The following USP34 variants were observed in gnomAD, a reference collection of about 807,000 sequenced individuals.
The protein encoded by USP34 is ubiquitin specific peptidase 34, also known as ubiquitin carboxyl-terminal hydrolase 34.
USP34 carries 70 observed loss-of-function variants against 460.3 expected under a neutral mutation model. The observed-to-expected ratio is 0.15, with a 90% CI of 0.13 to 0.19. The LOEUF (loss-of-function observed/expected upper bound fraction) is 0.19. Ranked by LOEUF, USP34 falls within the 10% of genes least tolerant of loss-of-function variation. USP34 has a pLI of 1.00. For missense variants in USP34, 3,985 were observed against 4,236.2 expected (o/e 0.94, Z 1.65); for synonymous variants, 1,647 against 1,405.3 (o/e 1.17, Z -3.85).
Position 61,228,810 on chromosome 2 carries a change from A to G in USP34, c.7368+17T>C, listed in dbSNP as rs1687803472. ...AAAAGGTAGATAATCAAAAAAATAGACAAGATATAGCCTCACCTCTTCTTC... is the reference window on the plus strand; with the variant it reads ...AAAAGGTAGATAATCAAAAAAATAGGCAAGATATAGCCTCACCTCTTCTTC... On this transcript the variant is annotated intron_variant, in intron 60 of 79. Transcript: ENST00000398571. 1 of 1,589,520 alleles carries G rather than the reference A, an allele frequency of 6.3e-7. No individual in the cohort carries two copies. The highest frequency in any genetic ancestry group is 1.4e-5 in the African/African-American group (1 of 73,458).
At chr2:61,363,728 C>A (rs1425867161) in intron 10 of USP34, among the ~76,000 whole-genome samples, 1 of 152,070 alleles carries the variant, frequency 6.6e-6, no homozygotes, top group East Asian at 1.9e-4. Flanking sequence ...TAACTGAAAG[C>A]AGGAAATGGA....
At chr2:61,258,142 C>A (rs1358060693) in intron 44 of USP34, among the ~76,000 whole-genome samples, 1 of 151,916 alleles carries the variant, frequency 6.6e-6, no homozygotes, top group Non-Finnish European at 1.5e-5. Flanking sequence ...TTGCTTGAGC[C>A]CAGGAGTTCA....
chr2:61,204,191 C>T (rs1441558270), intron 74 of USP34, 65 bp downstream of exon 74: 9 of 1,602,366 alleles, frequency 5.6e-6, no homozygotes, highest in East Asian at 2.2e-5. Context: ...TCATAACTGC[C>T]AGGGGAAAAA....
At chr2:61,396,411 G>A (rs749904969) in intron 3 of USP34, among the ~76,000 whole-genome samples, 1 of 152,076 alleles carries the variant, frequency 6.6e-6, no homozygotes, top group African/African-American at 2.4e-5. Flanking sequence ...TACGCATAAC[G>A]ATGCTCATTA....
intron 6 of USP34, among the ~76,000 whole-genome samples, chr2:61,382,387 C>T (rs1396224892): frequency 1.3e-5 from 2 of 152,264 alleles, no homozygotes; most frequent in Middle Eastern, 3.4e-3. Context: ...GTGTCATATG[C>T]CAACTTCAAA....
At chr2:61,308,752 A>G (rs1207397140) in intron 27 of USP34, among the ~76,000 whole-genome samples, 2 of 152,174 alleles carry the variant, frequency 1.3e-5, no homozygotes, top group African/African-American at 4.8e-5. Context: ...AAAAAATACT[A>G]CATGTTGGCT....
At chr2:61,322,783 T>C (rs1159945545) in intron 21 of USP34, among the ~76,000 whole-genome samples, 2 of 151,818 alleles carry the variant, frequency 1.3e-5, no homozygotes, top group African/African-American at 2.4e-5. Flanking sequence ...CTTGTGCCCA[T>C]AGAAGCAAAT....
intron 34 of USP34, among the ~76,000 whole-genome samples, chr2:61,286,177 TTAAA>T (rs1267391486): frequency 2.0e-5 from 3 of 152,194 alleles, no homozygotes; most frequent in Non-Finnish European, 4.4e-5. Flanking sequence ...TGGTAAACTC[TTAAA>T]TAAGTTAGTG....
intron 1 of USP34, among the ~76,000 whole-genome samples, chr2:61,435,375 G>A (rs890780130): frequency 1.8e-5 from 2 of 108,754 alleles, no homozygotes; most frequent in Admixed American, 1.8e-4. Context: ...ACAAATAAAA[G>A]TATCTCCACC....
At chr2:61,469,568 G>C (rs900733903) in intron 1 of USP34, among the ~76,000 whole-genome samples, 3 of 152,016 alleles carry the variant, frequency 2.0e-5, no homozygotes, top group African/African-American at 7.3e-5. Context: ...ATTGTCTTTG[G>C]TCATTAAAGT....
intron 6 of USP34, among the ~76,000 whole-genome samples, chr2:61,381,203 TAAAA>T (rs756924837): frequency 0.016 from 1,584 of 97,950 alleles, 11 homozygotes; most frequent in African/African-American, 0.03. Context: ...GAATGATCAA[TAAAA>T]AAAAAAAAAA....
At chr2:61,310,841 AGT>A (rs1690569532) in intron 27 of USP34, among the ~76,000 whole-genome samples, 1 of 152,162 alleles carries the variant, frequency 6.6e-6, no homozygotes, top group Admixed American at 6.5e-5. Flanking sequence ...GTGGATGAGT[AGT>A]ATATGGAAAT....
At chr2:61,331,579 G>C (rs1691264544) in intron 19 of USP34, among the ~76,000 whole-genome samples, 1 of 151,954 alleles carries the variant, frequency 6.6e-6, no homozygotes, top group African/African-American at 2.4e-5. Context: ...ACCTTTGTAA[G>C]TTTTTAATCT....
chr2:61,291,568 T>C (rs894374943), intron 33 of USP34, among the ~76,000 whole-genome samples: 1 of 152,184 alleles, frequency 6.6e-6, no homozygotes, highest in Admixed American at 6.5e-5. Context: ...CACCAAAGAT[T>C]TATGAATGAA....
intron 20 of USP34, among the ~76,000 whole-genome samples, chr2:61,329,643 T>C (rs1439864272): frequency 6.6e-6 from 1 of 152,288 alleles, no homozygotes. Context: ...TGGTATTTTA[T>C]TTTTTATGCC....
Position 61,470,762 on chromosome 2 carries a change from G to C in USP34, c.-70C>G. The C allele has an allele frequency of 7.1e-7, 1 of 1,414,836 alleles. No individual in the cohort carries two copies. The highest frequency in any genetic ancestry group is 9.7e-7 in the Non-Finnish European group (1 of 1,027,880). The allele number at this position is 1,414,836 out of a possible 1,614,324, so 87.6% of individuals were successfully genotyped here. A position where few individuals can be genotyped will look rare whatever the true frequency, so the allele number is the denominator to read the frequency against. Reference sequence around the variant, plus strand: ...ACTGATCCCGACCGGCGGGGGGGAGGGGAGAGAGGCGGAGGAGGGGGCCGG... The same window carrying C: ...ACTGATCCCGACCGGCGGGGGGGAGCGGAGAGAGGCGGAGGAGGGGGCCGG... On this transcript the variant is annotated 5_prime_UTR_variant, in exon 1 of 80. Transcript: ENST00000398571.
chr2:61,442,115 A>G (rs1258371202), intron 1 of USP34, among the ~76,000 whole-genome samples: 1 of 152,144 alleles, frequency 6.6e-6, no homozygotes. Flanking sequence ...TACATAAACA[A>G]TCAACTCAAA....
intron 33 of USP34, 93 bp from the exon 34 acceptor site, chr2:61,288,970 T>C: frequency 7.8e-7 from 1 of 1,274,038 alleles, no homozygotes; most frequent in Non-Finnish European, 1.1e-6. Flanking sequence ...AAAATAAAAA[T>C]AATTATAGCT....
intron 44 of USP34, among the ~76,000 whole-genome samples, chr2:61,257,861 G>C (rs1688762042): frequency 1.3e-5 from 2 of 152,088 alleles, no homozygotes; most frequent in Non-Finnish European, 2.9e-5. Context: ...GCAACAGCAA[G>C]ACTCCATCTC....
Sources: gnomAD v4.1 joint callset for allele counts (sites outside exome capture counted in the v4.1 genomes callset) on GRCh38, gnomAD v4.1.1 for gene constraint, MANE v1.5 for transcripts, NCBI Gene and HGNC (gene_info 2026-07-23, HGNC 2026-07-21) for gene names.